TCF3: variants seen among roughly 807,000 people sequenced by gnomAD.
TCF3 encodes transcription factor E2-alpha.
Under a neutral mutation model 72.3 loss-of-function variants are expected in TCF3, and 54 were observed. The observed-to-expected ratio is 0.75, with a 90% confidence interval of 0.60 to 0.94. TCF3 has a LOEUF of 0.94. TCF3 is among the 40% of genes least tolerant of loss of function. The probability of loss-of-function intolerance (pLI) is 0.00; values close to 1 mark genes in which losing one functional copy is unlikely to be tolerated. For missense variants in TCF3, 1,078 were observed against 934.4 expected (o/e 1.15, Z -2.00); for synonymous variants, 525 against 412.6 (o/e 1.27, Z -3.30).
chr19:1,646,450 G>A (rs369287186), intron 2 of TCF3, 23 bp from the exon 3 acceptor site: 18 of 1,546,440 alleles, frequency 1.2e-5, no homozygotes, highest in East Asian at 4.9e-5. Flanking sequence ...GAGGGGAGAC[G>A]TGAGCGGGGC....
rs763413714 is a variant in TCF3 at position 1,621,952 on chromosome 19, C to T, written c.841G>A (p.Ala281Thr). ...HERMGYQLHG[A>T]EVNGGLPSAS... is the part of the protein sequence containing the mutation. ...GATGGGAGCCCACCGTTCACCTCTG[C>T]TCCATGCAGCTGGTAGCCCTGGGGG... Residue 281 changes from alanine (A) to threonine (T), a missense_variant, in exon 11 of 19, where the codon GCA (alanine) becomes ACA (threonine). Physicochemically the swap from Ala to Thr is moderately conservative, Grantham distance 58 (BLOSUM62 0). Coordinates refer to ENST00000262965, the MANE Select transcript of TCF3 (RefSeq NM_003200.5). The T allele has an allele frequency of 6.8e-6, 11 of 1,606,070 alleles. No individual in the cohort carries two copies. The highest frequency in any genetic ancestry group is 3.4e-5 in the Admixed American group (2 of 59,212).
At chr19:1,640,803 CAA>C (rs1048302834) in intron 3 of TCF3, among the ~76,000 whole-genome samples, 12 of 95,098 alleles carry the variant, frequency 1.3e-4, no homozygotes, top group Admixed American at 2.2e-4. Flanking sequence ...GACTCCGTCT[CAA>C]AAAAAAAAAA....
intron 3 of TCF3, among the ~76,000 whole-genome samples, chr19:1,637,638 G>T (rs1049992427): frequency 1.3e-5 from 2 of 152,132 alleles, no homozygotes; most frequent in South Asian, 4.2e-4. Flanking sequence ...GGCCGGGCAC[G>T]GTGGCTCACG....
chr19:1,647,879 C>G (rs1600162038), intron 2 of TCF3, among the ~76,000 whole-genome samples: 1 of 152,320 alleles, frequency 6.6e-6, no homozygotes, highest in African/African-American at 2.4e-5. Flanking sequence ...GGACCGAGGG[C>G]TCTGGCTGTG....
chr19:1,638,806 C>T (rs534514940), intron 3 of TCF3, among the ~76,000 whole-genome samples: 3 of 152,176 alleles, frequency 2.0e-5, no homozygotes, highest in African/African-American at 7.2e-5. Flanking sequence ...AAACACACAC[C>T]GGGGGAAGCA....
Position 1,650,235 on chromosome 19 carries a change from T to A in TCF3, c.14A>T (p.Gln5Leu). 1 of 1,566,640 alleles carries A rather than the reference T, an allele frequency of 6.4e-7. No homozygotes were observed. Among genetic ancestry groups the A allele is most frequent in the Non-Finnish European group, 8.6e-7 (1 of 1,156,724 alleles). Reference sequence around the variant, plus strand: ...GTCTGTGCCCACAGGCGCCATCCTCTGCGGCTGGTTCATTCTCCTGGGGCC... The same window carrying A: ...GTCTGTGCCCACAGGCGCCATCCTCAGCGGCTGGTTCATTCTCCTGGGGCC... The part of the protein sequence containing the change: MNQP[Q>L]RMAPVGTDKE... Residue 5 changes from glutamine to leucine, a missense_variant, in exon 2 of 19, where the codon CAG (glutamine) becomes CTG (leucine). Physicochemically the swap from Gln to Leu is moderately radical, Grantham distance 113. Transcript: ENST00000262965.
rs188176045 is a variant in TCF3, at chr19:1,650,124, G to A, written c.72+53C>T. Reference sequence around the variant, plus strand: ...AACACTCTCCCCTGAAAACCTTCCCGTGAACTGTGGAGGCAAAGGGGTGTC... The same window carrying A: ...AACACTCTCCCCTGAAAACCTTCCCATGAACTGTGGAGGCAAAGGGGTGTC... On this transcript the variant is annotated intron_variant, in intron 2 of 18. Transcript: ENST00000262965. The A allele has an allele frequency of 1.0e-4, 157 of 1,497,096 alleles. No homozygotes were observed. The East Asian group carries it at 1.8e-3, about 17-fold the overall frequency. The allele number at this position is 1,497,096 out of a possible 1,614,324, so 92.7% of individuals were successfully genotyped here.
rs2060991281 is a variant in TCF3, at chr19:1,611,624, T to C, written c.*83A>G. The C allele has an allele frequency of 6.6e-7, 1 of 1,526,500 alleles. No individual in the cohort carries two copies. The highest frequency in any genetic ancestry group is 2.3e-5 in the East Asian group (1 of 43,618). The allele number at this position is 1,526,500 out of a possible 1,614,324, so 94.6% of individuals were successfully genotyped here. ...CAGGTGTGTGAGGTGTGGATGTGGA[T>C]GAAGCCCGGGGTCTCGAGTGGCCGT... On this transcript the variant is annotated 3_prime_UTR_variant, in exon 19 of 19. Transcript: ENST00000262965.
At chr19:1,612,855 TGTC>T (rs1486668183) in intron 18 of TCF3, among the ~76,000 whole-genome samples, 1 of 148,424 alleles carries the variant, frequency 6.7e-6, no homozygotes. Context: ...ACACGGCTGG[TGTC>T]GGGCACAGCA....
intron 5 of TCF3, among the ~76,000 whole-genome samples, chr19:1,629,005 C>CA (rs1458926369): frequency 1.5e-4 from 7 of 46,296 alleles, no homozygotes; most frequent in African/African-American, 5.0e-4. Flanking sequence ...GCAGAGCTCA[C>CA]GGGGGTGAGG....
chr19:1,613,963 C>T (rs10407704), intron 18 of TCF3, among the ~76,000 whole-genome samples: 2,316 of 152,380 alleles, frequency 0.015, 61 homozygotes, highest in African/African-American at 0.052. Flanking sequence ...AGCTGGCGAG[C>T]GGGCACTGTT....
rs1042481859 is a variant in TCF3, at chr19:1,649,915, C to A, written c.72+262G>T. ...CAAGCTGGGGGCCCAGGACCATGCC[C>A]CTGAGGACTCAGTTTCCCCATCTGT... On this transcript the variant is annotated intron_variant, in intron 2 of 18. Transcript: ENST00000262965. 2.6e-5 allele frequency among the ~76,000 whole-genome samples: 4 copies of A among 152,356 alleles called. No homozygotes were observed. The East Asian group carries it at 7.7e-4, about 29-fold the overall frequency.
At chr19:1,619,638 T>G (rs1327966394) in intron 14 of TCF3, 142 bp downstream of exon 14, 1 of 1,275,546 alleles carries the variant, frequency 7.8e-7, no homozygotes, top group East Asian at 2.6e-5. Context: ...ACAAAATGTG[T>G]GTGCCTTGGC....
At chr19:1,626,466 T>C (rs2062890857) in intron 6 of TCF3, among the ~76,000 whole-genome samples, 1 of 149,976 alleles carries the variant, frequency 6.7e-6, no homozygotes, top group Non-Finnish European at 1.5e-5. Context: ...AAAAAAAGAA[T>C]CATCTGTTCT....
In TCF3 at chr19:1,624,555, T is replaced by C. The variant is rs371864937; in HGVS notation, c.500-555A>G. 9.2e-5 allele frequency among the ~76,000 whole-genome samples: 14 copies of C among 152,330 alleles called. 1 individual carries two copies. In the South Asian group the frequency reaches 2.1e-3, roughly 23 times the overall value. ...GCCAAGGCTCTGCTGAGAAGCCCCT[T>C]GGCCCCACCCTCCTTCCAAGATGGC... On this transcript the variant is annotated intron_variant, in intron 7 of 18. Coordinates refer to ENST00000262965, the MANE Select transcript of TCF3 (RefSeq NM_003200.5).
At chr19:1,627,324 T>C (rs375439329) in intron 6 of TCF3, 35 bp downstream of exon 6, 23 of 1,563,444 alleles carry the variant, frequency 1.5e-5, no homozygotes, top group Admixed American at 7.3e-5. Context: ...TTGTTTAAAA[T>C]CAAAATACAC....
rs187682062 is a variant in TCF3, at chr19:1,639,030, G to A, written c.146-6625C>T. Among the ~76,000 whole-genome samples the A allele has an allele frequency of 5.6e-3, 850 of 152,248 alleles. 6 individuals carry two copies. Among genetic ancestry groups the A allele is most frequent in the Middle Eastern group, 0.031 (9 of 294 alleles). ...AAGGAAGGGTTGCAACCTTCATATC[G>A]AAGTTTCAATTCAAGGGAGGTTTCT... is the stretch of plus-strand genomic sequence containing the variant. On this transcript the variant is annotated intron_variant, in intron 3 of 18. Coordinates refer to ENST00000262965, the MANE Select transcript of TCF3 (RefSeq NM_003200.5).
Position 1,611,628 on chromosome 19 carries a change from G to T in TCF3, c.*79C>A. 1 of 1,535,132 alleles carries T rather than the reference G, an allele frequency of 6.5e-7. No individual in the cohort carries two copies. ...TGTGTGAGGTGTGGATGTGGATGAA[G>T]CCCGGGGTCTCGAGTGGCCGTTCTG... On this transcript the variant is annotated 3_prime_UTR_variant, in exon 19 of 19. Transcript: ENST00000262965.
intron 7 of TCF3, among the ~76,000 whole-genome samples, chr19:1,624,852 G>A (rs10421894): frequency 0.012 from 1,809 of 152,188 alleles, 26 homozygotes; most frequent in African/African-American, 0.041. Flanking sequence ...GTGATTTCAC[G>A]CTTATTTTTT....
Sources: allele counts gnomAD v4.1 joint callset (sites outside exome capture counted in the v4.1 genomes callset), GRCh38; gene constraint gnomAD v4.1.1; transcripts MANE v1.5; gene names NCBI Gene and HGNC (gene_info 2026-07-23, HGNC 2026-07-21).